The following MMP20 variants were observed in gnomAD, a reference collection of about 807,000 sequenced individuals.
MMP20 encodes the protein matrix metallopeptidase 20, also known as matrix metalloproteinase-20.
MMP20 carries 50 observed loss-of-function variants against 51.8 expected under a neutral mutation model. The observed-to-expected ratio is 0.97, with a 90% CI of 0.77 to 1.22. The LOEUF is 1.22. Ranked by LOEUF, MMP20 falls within the 50% of genes most tolerant of loss-of-function variation. The probability of loss-of-function intolerance (pLI) is 0.00; values close to 1 mark genes in which losing one functional copy is unlikely to be tolerated. For synonymous variants in MMP20, 244 were observed against 216.2 expected (o/e 1.13, Z -1.13); for missense variants, 663 against 601.4 (o/e 1.10, Z -1.07).
At chr11:102,585,731 G>C (rs2135929857) in intron 8 of MMP20, among the ~76,000 whole-genome samples, 1 of 152,244 alleles carries the variant, frequency 6.6e-6, no homozygotes, top group Non-Finnish European at 1.5e-5. Context: ...GCCATCAGCT[G>C]TGGGTTTTCA....
Position 102,577,310 on chromosome 11 carries a change from G to A in MMP20, c.*16C>T. ...TGTAGTCATCCTCATTGCTTGAGAA[G>A]ACTAGGCTTTTCTATTTAGCAACCA... On this transcript the variant is annotated 3_prime_UTR_variant, in exon 10 of 10. Transcript: ENST00000260228. The A allele has an allele frequency of 6.4e-7, 1 of 1,562,458 alleles. No individual in the cohort carries two copies.
chr11:102,601,653 T>C (rs1859447775), intron 6 of MMP20, among the ~76,000 whole-genome samples: 1 of 152,228 alleles, frequency 6.6e-6, no homozygotes, highest in Non-Finnish European at 1.5e-5. Context: ...GAGCACTAGC[T>C]TATTTCTATG....
chr11:102,624,778 TCTC>T (rs1859798189), intron 1 of MMP20, among the ~76,000 whole-genome samples: 1 of 152,122 alleles, frequency 6.6e-6, no homozygotes, highest in Non-Finnish European at 1.5e-5. Context: ...ACACAGGAAA[TCTC>T]CTTGTTGTGA....
rs544098494 is a variant in MMP20 at position 102,620,428 on chromosome 11, A to G, written c.127-3369T>C. Among the ~76,000 whole-genome samples, 3 of 152,298 alleles carry G rather than the reference A, an allele frequency of 2.0e-5. No homozygotes were observed. In the South Asian group the frequency reaches 6.2e-4, roughly 32 times the overall value. On this transcript the variant is annotated intron_variant, in intron 1 of 9. Coordinates refer to ENST00000260228, the MANE Select transcript of MMP20 (RefSeq NM_004771.4). The stretch of plus-strand genomic sequence containing the variant: ...CTTGCATATGTTGGCTCAGCACTTA[A>G]TGTTGGCACTGGGACAAAGAATTCA...
intron 8 of MMP20, among the ~76,000 whole-genome samples, chr11:102,592,289 T>G (rs1859326847): frequency 6.6e-6 from 1 of 152,320 alleles, no homozygotes; most frequent in South Asian, 2.1e-4. Context: ...CCTAGTGGCT[T>G]AAACACTGGT....
chr11:102,607,867 G>A (rs1167386791), intron 5 of MMP20: 1 of 152,058 alleles, frequency 6.6e-6, no homozygotes, highest in Non-Finnish European at 1.5e-5. Context: ...CTGCCACCAA[G>A]GCTCTGGAGC....
At chr11:102,624,200 G>A (rs899388620) in intron 1 of MMP20, among the ~76,000 whole-genome samples, 3 of 152,306 alleles carry the variant, frequency 2.0e-5, no homozygotes, top group Non-Finnish European at 4.4e-5. Context: ...GGTGCAGCCT[G>A]GCAGTCAGGA....
intron 8 of MMP20, among the ~76,000 whole-genome samples, chr11:102,589,821 T>A (rs1310409539): frequency 6.6e-6 from 1 of 152,168 alleles, no homozygotes; most frequent in Non-Finnish European, 1.5e-5. Context: ...AAAACAAGAT[T>A]TTTGAACCCT....
At chr11:102,583,913 G>C (rs961514784) in intron 8 of MMP20, among the ~76,000 whole-genome samples, 2 of 152,084 alleles carry the variant, frequency 1.3e-5, no homozygotes, top group African/African-American at 4.8e-5. Flanking sequence ...CTTTCACTTA[G>C]TATAATGCTC....
In MMP20 at chr11:102,606,572, T is replaced by C. The variant is rs773320444; in HGVS notation, c.916A>G (p.Thr306Ala). 1 of 1,613,990 alleles carries C rather than the reference T, an allele frequency of 6.2e-7. No homozygotes were observed. The highest frequency in any genetic ancestry group is 8.5e-7 in the Non-Finnish European group (1 of 1,179,914). ...AGCAGGAGCTCCTTCCCCAGCATTG[T>C]CACAGCGTCAAAGGATGAGCTGGAG... is the stretch of plus-strand genomic sequence containing the variant. Reference protein sequence around the residue: ...CDSSSSFDAVTMLGKELLLFK... With the variant: ...CDSSSSFDAVAMLGKELLLFK... The change falls in exon 6 of 10, where the codon ACA becomes GCA. Residue 306 changes from threonine to alanine, a missense_variant. Transcript: ENST00000260228.
At chr11:102,595,446 C>T (rs1859370737) in intron 6 of MMP20, among the ~76,000 whole-genome samples, 1 of 152,184 alleles carries the variant, frequency 6.6e-6, no homozygotes, top group African/African-American at 2.4e-5. Flanking sequence ...ACAAATTTCT[C>T]TTTCCTTTTC....
intron 6 of MMP20, among the ~76,000 whole-genome samples, chr11:102,601,655 A>G (rs1859447797): frequency 6.6e-6 from 1 of 152,130 alleles, no homozygotes; most frequent in Non-Finnish European, 1.5e-5. Context: ...GCACTAGCTT[A>G]TTTCTATGAA....
rs199516216 is a variant in MMP20, at chr11:102,625,221, G to A, written c.99C>T (p.Thr33=). 6 of 1,614,024 alleles carry A rather than the reference G, an allele frequency of 3.7e-6. No individual in the cohort carries two copies. In the East Asian group the frequency reaches 1.3e-4, roughly 36 times the overall value. Reference sequence around the variant, plus strand: ...GTGCGAGGCGGTAGTTGTTCCTCCAGGTCCTGGGGGAGGCTGCAACTAGGG... The same window carrying A: ...GTGCGAGGCGGTAGTTGTTCCTCCAAGTCCTGGGGGAGGCTGCAACTAGGG... ...APSLVAASPR[T]WRNNYRLAQA... Residue 33 remains threonine, a synonymous_variant, in exon 1 of 10, where the codon ACC becomes ACT. Coordinates refer to ENST00000260228, the MANE Select transcript of MMP20 (RefSeq NM_004771.4).
intron 6 of MMP20, among the ~76,000 whole-genome samples, chr11:102,601,001 C>CAA (rs1859438979): frequency 6.6e-6 from 1 of 151,968 alleles, no homozygotes; most frequent in Non-Finnish European, 1.5e-5. Flanking sequence ...TCTCTGATGT[C>CAA]AAACAGAACT....
At chr11:102,619,523 CA>C (rs1348097767) in intron 1 of MMP20, among the ~76,000 whole-genome samples, 3 of 151,208 alleles carry the variant, frequency 2.0e-5, no homozygotes, top group Non-Finnish European at 4.4e-5. Flanking sequence ...GGTGGGTTAC[CA>C]AAAACTCCGT....
intron 6 of MMP20, among the ~76,000 whole-genome samples, chr11:102,603,378 T>A (rs1438815142): frequency 6.6e-6 from 1 of 152,176 alleles, no homozygotes; most frequent in Non-Finnish European, 1.5e-5. Context: ...TATAGAGTCA[T>A]GGGATTCCAG....
At chr11:102,591,246 T>C (rs1859313435) in intron 8 of MMP20, among the ~76,000 whole-genome samples, 2 of 152,190 alleles carry the variant, frequency 1.3e-5, no homozygotes, top group East Asian at 1.9e-4. Context: ...CACCAGTGTA[T>C]GTGTTGGAGT....
In MMP20 at chr11:102,625,253, C is replaced by T. The variant is rs762774990; in HGVS notation, c.67G>A (p.Ala23Thr). The change falls in exon 1 of 10, where the codon GCC (alanine) becomes ACC (threonine). Residue 23 changes from alanine (A) to threonine (T), a missense_variant. By Grantham distance (58) the Ala-to-Thr change is moderately conservative. Coordinates refer to ENST00000260228, the MANE Select transcript of MMP20 (RefSeq NM_004771.4). ...GGGGAGGCTGCAACTAGGGAGGGGGCTGCAGTGGAAAACTTCAAAGCCATG... is the reference window on the plus strand; with the variant it reads ...GGGGAGGCTGCAACTAGGGAGGGGGTTGCAGTGGAAAACTTCAAAGCCATG... ...LIMALKFSTA[A>T]PSLVAASPRT... is the part of the protein sequence containing the mutation. The T allele has an allele frequency of 3.2e-5, 51 of 1,613,716 alleles. No homozygotes were observed. In the East Asian group the frequency reaches 1.1e-3, roughly 35 times the overall value.
intron 8 of MMP20, 70 bp downstream of exon 8, chr11:102,593,369 A>G: frequency 6.5e-7 from 1 of 1,540,832 alleles, no homozygotes; most frequent in Middle Eastern, 1.7e-4. Context: ...TCTTTCGTGG[A>G]AGGGTTTTTA....
Sources: allele counts gnomAD v4.1 joint callset (sites outside exome capture counted in the v4.1 genomes callset), GRCh38; gene constraint gnomAD v4.1.1; transcripts MANE v1.5; gene names NCBI Gene and HGNC (gene_info 2026-07-23, HGNC 2026-07-21).